Variants in ERC1 observed in about 807,000 individuals in gnomAD.
ERC1 encodes the protein RAB6 interacting protein 2.
Under a neutral mutation model 132.0 loss-of-function variants are expected in ERC1, and 56 were observed. That is an observed-to-expected ratio of 0.42 (90% CI 0.34 to 0.53). The LOEUF (loss-of-function observed/expected upper bound fraction) is 0.53, where lower values mean the gene tolerates loss of function less well. ERC1 is among the 20% of genes least tolerant of loss of function. The pLI is 0.03. For missense variants in ERC1, 1,202 were observed against 1,349.9 expected, an observed-to-expected ratio of 0.89 and a Z score of 1.72; for synonymous variants, 478 against 476.1, an observed-to-expected ratio of 1.00 and a Z score of -0.05.
At chr12:1,264,337 T>G (rs1444202642) in intron 14 of ERC1, among the ~76,000 whole-genome samples, 1 of 152,210 alleles carries the variant, frequency 6.6e-6, no homozygotes, top group Admixed American at 6.5e-5. Context: ...AAGGTTATAA[T>G]CCCAGCTCCC....
At chr12:1,378,766 C>T (rs148558542) in intron 16 of ERC1, among the ~76,000 whole-genome samples, 60 of 152,254 alleles carry the variant, frequency 3.9e-4, no homozygotes, top group East Asian at 1.5e-3. Context: ...AATTTTCTTA[C>T]GGAGTCAGGA....
chr12:1,018,242 C>T (rs1364788231), intron 1 of ERC1, among the ~76,000 whole-genome samples: 1 of 152,244 alleles, frequency 6.6e-6, no homozygotes, highest in South Asian at 2.1e-4. Context: ...CACTCTGTTG[C>T]CCAGGCTGGA....
chr12:1,202,923 G>A (rs141235398), intron 12 of ERC1, among the ~76,000 whole-genome samples: 7 of 152,246 alleles, frequency 4.6e-5, no homozygotes, highest in Admixed American at 6.5e-5. Context: ...TTTAGAGATC[G>A]GCTTCTTTCT....
intron 14 of ERC1, among the ~76,000 whole-genome samples, chr12:1,280,735 A>T (rs2078625031): frequency 6.6e-6 from 1 of 152,248 alleles, no homozygotes. Flanking sequence ...ACATACACGT[A>T]TCATATATGC....
intron 7 of ERC1, among the ~76,000 whole-genome samples, chr12:1,117,574 G>A (rs1426365776): frequency 3.9e-5 from 6 of 152,086 alleles, no homozygotes; most frequent in Non-Finnish European, 7.4e-5. Context: ...ACTATGAGTC[G>A]CGTGATCCTG....
At chr12:1,438,597 T>C (rs2154406920) in intron 17 of ERC1, among the ~76,000 whole-genome samples, 1 of 152,266 alleles carries the variant, frequency 6.6e-6, no homozygotes, top group East Asian at 1.9e-4. Flanking sequence ...GATATAAAAA[T>C]AATTTGCCAG....
intron 12 of ERC1, among the ~76,000 whole-genome samples, chr12:1,221,616 T>A (rs1487193002): frequency 2.6e-5 from 4 of 152,212 alleles, no homozygotes; most frequent in African/African-American, 9.6e-5. Flanking sequence ...TCCGTGAAAA[T>A]AAAACCCATA....
At position 1,493,752 on chromosome 12, in the gene ERC1, C is replaced by A. The variant is rs1391936808; in HGVS notation, c.*3522C>A. The A allele has an allele frequency of 4.7e-6, 1 of 214,038 alleles. No individual in the cohort carries two copies. Among genetic ancestry groups the A allele is most frequent in the Non-Finnish European group, 9.4e-6 (1 of 106,426 alleles). The allele number at this position is 214,038 out of a possible 1,614,324, so 13.3% of individuals were successfully genotyped here. ...TTCAGTGTCAAGAAGGGCATTGTGA[C>A]TTGCCCCTCAATTTCTGTCCATTGA... On this transcript the variant is annotated 3_prime_UTR_variant, in exon 19 of 19. Coordinates refer to ENST00000360905, the MANE Select transcript of ERC1 (RefSeq NM_178040.4).
At chr12:1,129,840 A>AG (rs1461888005) in intron 7 of ERC1, among the ~76,000 whole-genome samples, 1 of 151,774 alleles carries the variant, frequency 6.6e-6, no homozygotes, top group Non-Finnish European at 1.5e-5. Context: ...ATGCAAGAAA[A>AG]AAAAACAGGA....
intron 14 of ERC1, among the ~76,000 whole-genome samples, chr12:1,273,744 T>C (rs2078044808): frequency 6.6e-6 from 1 of 152,144 alleles, no homozygotes; most frequent in Admixed American, 6.5e-5. Context: ...GGTGGATGGA[T>C]GGATGGATGG....
At chr12:1,375,365 C>T (rs2087759806) in intron 16 of ERC1, among the ~76,000 whole-genome samples, 1 of 152,102 alleles carries the variant, frequency 6.6e-6, no homozygotes, top group African/African-American at 2.4e-5. Flanking sequence ...AGGTCTGCCC[C>T]CATGATCCAA....
At chr12:1,310,591 A>AT in intron 15 of ERC1, among the ~76,000 whole-genome samples, 1 of 152,324 alleles carries the variant, frequency 6.6e-6, no homozygotes, top group Middle Eastern at 3.4e-3. Context: ...CATTTGGGAA[A>AT]TTAGGGAGAT....
chr12:1,241,081 C>CA (rs1594467065), intron 13 of ERC1, among the ~76,000 whole-genome samples: 3 of 152,146 alleles, frequency 2.0e-5, no homozygotes, highest in South Asian at 4.1e-4. Context: ...CAAACTTACT[C>CA]AAAGTATATG....
rs530437789 is a variant in ERC1, at chr12:1,425,044, T to C, written c.3024+16797T>C. Reference sequence around the variant, plus strand: ...AAGAACCTTTTTTTTTCTTTTCTTATTGTTCAGTTGCCTGTTAATTTTTTG... The same window carrying C: ...AAGAACCTTTTTTTTTCTTTTCTTACTGTTCAGTTGCCTGTTAATTTTTTG... On this transcript the variant is annotated intron_variant, in intron 17 of 18. Coordinates refer to ENST00000360905, the MANE Select transcript of ERC1 (RefSeq NM_178040.4). 2.6e-5 allele frequency among the ~76,000 whole-genome samples: 4 copies of C among 152,256 alleles called. No homozygotes were observed. The South Asian group carries it at 8.3e-4, about 32-fold the overall frequency.
intron 17 of ERC1, among the ~76,000 whole-genome samples, chr12:1,415,885 G>A (rs2092094920): frequency 6.6e-6 from 1 of 152,222 alleles, no homozygotes; most frequent in Non-Finnish European, 1.5e-5. Context: ...ATAGGAGGGA[G>A]AAAATGAACA....
At chr12:1,196,990 T>A (rs537115154) in intron 12 of ERC1, among the ~76,000 whole-genome samples, 5,714 of 133,468 alleles carry the variant, frequency 0.043, 411 homozygotes, top group Middle Eastern at 0.076. Flanking sequence ...TTTTTTTTTT[T>A]TTTTTTTTAA....
intron 17 of ERC1, among the ~76,000 whole-genome samples, chr12:1,423,700 A>G (rs2092513554): frequency 6.6e-6 from 1 of 151,882 alleles, no homozygotes; most frequent in Non-Finnish European, 1.5e-5. Context: ...AAAATCGGAG[A>G]TTTTTCTGCT....
At chr12:1,137,224 G>A (rs1263766652) in intron 7 of ERC1, among the ~76,000 whole-genome samples, 2 of 149,124 alleles carry the variant, frequency 1.3e-5, no homozygotes, top group Admixed American at 1.3e-4. Context: ...TCAGCCTCCC[G>A]AGTAGCTGGG....
intron 12 of ERC1, among the ~76,000 whole-genome samples, chr12:1,232,257 A>G (rs1016910843): frequency 1.3e-5 from 2 of 151,838 alleles, no homozygotes; most frequent in African/African-American, 4.8e-5. Flanking sequence ...TTTGCCTTTG[A>G]TTTTTCAGAA....
Sources: gnomAD v4.1 joint callset for allele counts (sites outside exome capture counted in the v4.1 genomes callset) on GRCh38, gnomAD v4.1.1 for gene constraint, MANE v1.5 for transcripts, NCBI Gene and HGNC (gene_info 2026-07-23, HGNC 2026-07-21) for gene names.